The following MAP2K6 variants were observed in gnomAD, a reference collection of about 807,000 sequenced individuals.
MAP2K6 encodes the protein dual specificity mitogen-activated protein kinase kinase 6.
A neutral mutation model predicts 53.7 loss-of-function variants in MAP2K6; 16 were observed. The ratio of observed to expected loss-of-function variants is 0.30; its 90% confidence interval spans 0.20 to 0.45. The LOEUF (loss-of-function observed/expected upper bound fraction) is 0.45. MAP2K6 is among the 20% of genes least tolerant of loss of function. The pLI is 1.00. For synonymous variants in MAP2K6, 132 were observed against 143.1 expected, an observed-to-expected ratio of 0.92 and a Z score of 0.55; for missense variants, 204 against 411.9, an observed-to-expected ratio of 0.50 and a Z score of 4.37.
chr17:69,450,235 A>G (rs1023151103), intron 1 of MAP2K6, among the ~76,000 whole-genome samples: 20 of 151,946 alleles, frequency 1.3e-4, no homozygotes, highest in African/African-American at 4.6e-4. Context: ...TTGCAGGCCT[A>G]AGCCACCACA....
intron 10 of MAP2K6, among the ~76,000 whole-genome samples, chr17:69,534,000 T>A (rs1035834210): frequency 2.0e-5 from 3 of 152,144 alleles, no homozygotes; most frequent in Non-Finnish European, 4.4e-5. Context: ...AGCACAGCGT[T>A]TCTTAATCTC....
intron 8 of MAP2K6, among the ~76,000 whole-genome samples, chr17:69,523,987 C>T (rs182210809): frequency 6.6e-5 from 10 of 152,226 alleles, no homozygotes; most frequent in Admixed American, 3.9e-4. Context: ...TCATACATAG[C>T]ACCTTCCTGC....
At chr17:69,506,507 A>G (rs940356096) in intron 2 of MAP2K6, among the ~76,000 whole-genome samples, 1 of 151,808 alleles carries the variant, frequency 6.6e-6, no homozygotes, top group South Asian at 2.1e-4. Context: ...AGGCATCTGC[A>G]TGAGAGGAAT....
At chr17:69,441,551 G>T (rs1906820356) in intron 1 of MAP2K6, among the ~76,000 whole-genome samples, 1 of 152,074 alleles carries the variant, frequency 6.6e-6, no homozygotes, top group Non-Finnish European at 1.5e-5. Flanking sequence ...TCAAATGCTC[G>T]TTGATGGCTG....
At chr17:69,502,279 C>A in intron 1 of MAP2K6, 1 of 985,378 alleles carries the variant, frequency 1.0e-6, no homozygotes, top group Non-Finnish European at 1.2e-6. Flanking sequence ...TTTCTCCTTG[C>A]CGAAGTGTGG....
intron 10 of MAP2K6, among the ~76,000 whole-genome samples, chr17:69,535,447 C>T (rs1364460965): frequency 6.6e-6 from 1 of 151,906 alleles, no homozygotes; most frequent in East Asian, 1.9e-4. Flanking sequence ...AAAAATTAGC[C>T]AGGCATGGTG....
At chr17:69,426,745 G>A (rs775914557) in intron 1 of MAP2K6, among the ~76,000 whole-genome samples, 5 of 151,470 alleles carry the variant, frequency 3.3e-5, no homozygotes, top group Admixed American at 1.3e-4. Context: ...TTGACTTCTA[G>A]TATCCAGTGG....
rs1353579865 is a variant in MAP2K6, at chr17:69,552,037, A to G, written c.*10284A>G. ...CTGAAAATGCTGCTTCCGTTTATTAATATGGACTTTGTAAGGAAACACAAC... is the reference window on the plus strand; with the variant it reads ...CTGAAAATGCTGCTTCCGTTTATTAGTATGGACTTTGTAAGGAAACACAAC... On this transcript the variant is annotated 3_prime_UTR_variant, in exon 12 of 12. Transcript: ENST00000590474. 2 of 152,244 alleles carry G rather than the reference A, an allele frequency of 1.3e-5. No homozygotes were observed. The highest frequency in any genetic ancestry group is 6.5e-5 in the Admixed American group (1 of 15,288). 9.4% of individuals were successfully genotyped at this position (152,244 alleles called of 1,614,324 possible).
At chr17:69,480,882 A>G (rs1270096500) in intron 1 of MAP2K6, among the ~76,000 whole-genome samples, 2 of 152,144 alleles carry the variant, frequency 1.3e-5, no homozygotes, top group Non-Finnish European at 2.9e-5. Context: ...GGGAATACTA[A>G]CTGTTAGAAC....
At chr17:69,532,871 T>C (rs867520616) in intron 10 of MAP2K6, among the ~76,000 whole-genome samples, 2 of 152,212 alleles carry the variant, frequency 1.3e-5, no homozygotes, top group African/African-American at 4.8e-5. Context: ...CACTTTATGA[T>C]GGATCAACTA....
In MAP2K6 at chr17:69,546,748, T is replaced by C. The variant is rs929780244; in HGVS notation, c.*4995T>C. 1.8e-4 allele frequency: 27 copies of C among 152,340 alleles called. No homozygotes were observed. Among genetic ancestry groups the C allele is most frequent in the African/African-American group, 6.3e-4 (26 of 41,586 alleles). 9.4% of individuals were successfully genotyped at this position (152,340 alleles called of 1,614,324 possible). On this transcript the variant is annotated 3_prime_UTR_variant, in exon 12 of 12. Coordinates refer to ENST00000590474, the MANE Select transcript of MAP2K6 (RefSeq NM_002758.4). ...TGTGCTGGGATTTTGCCTTAACATC[T>C]ATCTATGACTTGAAGAGGGATTTGT...
At chr17:69,459,525 A>G (rs765510389) in intron 1 of MAP2K6, among the ~76,000 whole-genome samples, 3 of 152,024 alleles carry the variant, frequency 2.0e-5, no homozygotes, top group Non-Finnish European at 4.4e-5. Context: ...CAGCCTGGCC[A>G]ACATGGTAAA....
chr17:69,508,010 A>G (rs1909603705), intron 2 of MAP2K6, among the ~76,000 whole-genome samples: 1 of 119,712 alleles, frequency 8.4e-6, no homozygotes, highest in Non-Finnish European at 1.8e-5. Context: ...TTTTCATTTT[A>G]GCTATTCTGA....
Position 69,541,892 on chromosome 17 carries a change from C to CT in MAP2K6, c.*144dup, listed in dbSNP as rs1911656697. ...TCAGAGGGTTTTCTCTCCCAATTTTCTTTTTACTCCCCCTCTTAAGGGGGC... is the reference window on the plus strand; with the variant it reads ...TCAGAGGGTTTTCTCTCCCAATTTTCTTTTTTACTCCCCCTCTTAAGGGGGC... On this transcript the variant is annotated 3_prime_UTR_variant, in exon 12 of 12. Coordinates refer to ENST00000590474, the MANE Select transcript of MAP2K6 (RefSeq NM_002758.4). 1 of 589,296 alleles carries CT rather than the reference C, an allele frequency of 1.7e-6. No individual in the cohort carries two copies. The highest frequency in any genetic ancestry group is 1.9e-5 in the African/African-American group (1 of 52,708). 36.5% of individuals were successfully genotyped at this position (589,296 alleles called of 1,614,324 possible).
intron 1 of MAP2K6, among the ~76,000 whole-genome samples, chr17:69,460,997 T>G (rs1340274526): frequency 6.6e-6 from 1 of 152,152 alleles, no homozygotes; most frequent in East Asian, 1.9e-4. Flanking sequence ...GAAGACAGAA[T>G]CAACCTTTGA....
intron 1 of MAP2K6, among the ~76,000 whole-genome samples, chr17:69,457,859 G>T (rs1010407130): frequency 6.6e-6 from 1 of 152,166 alleles, no homozygotes; most frequent in African/African-American, 2.4e-5. Context: ...TCACCCCAGA[G>T]CTGCTGCATC....
At chr17:69,456,594 T>C (rs891639756) in intron 1 of MAP2K6, among the ~76,000 whole-genome samples, 1 of 152,206 alleles carries the variant, frequency 6.6e-6, no homozygotes, top group African/African-American at 2.4e-5. Context: ...TTTGCTTGAC[T>C]GGATCAATTG....
intron 1 of MAP2K6, among the ~76,000 whole-genome samples, chr17:69,448,918 A>G (rs1907075557): frequency 6.6e-6 from 1 of 152,204 alleles, no homozygotes; most frequent in Non-Finnish European, 1.5e-5. Flanking sequence ...TAGTAGGTGT[A>G]GGGCTGGCTG....
At chr17:69,441,192 A>G (rs576850236) in intron 1 of MAP2K6, among the ~76,000 whole-genome samples, 65 of 152,302 alleles carry the variant, frequency 4.3e-4, no homozygotes, top group African/African-American at 1.2e-3. Flanking sequence ...TAGTCCCTCA[A>G]TTAACCAATG....
Sources: allele counts gnomAD v4.1 joint callset (sites outside exome capture counted in the v4.1 genomes callset), GRCh38; gene constraint gnomAD v4.1.1; transcripts MANE v1.5; gene names NCBI Gene and HGNC (gene_info 2026-07-23, HGNC 2026-07-21).